CCDC3: variants seen among roughly 807,000 people sequenced by gnomAD.
CCDC3 encodes coiled-coil domain-containing protein 3.
A neutral mutation model predicts 21.4 loss-of-function variants in CCDC3; 24 were observed. The ratio of observed to expected loss-of-function variants is 1.12; its 90% CI spans 0.81 to 1.58. The LOEUF is 1.58. CCDC3 is among the 40% of genes most tolerant of loss of function. The pLI is 0.00. For synonymous variants in CCDC3, 186 were observed against 166.0 expected, an observed-to-expected ratio of 1.12 and a Z score of -0.93; for missense variants, 425 against 360.9, an observed-to-expected ratio of 1.18 and a Z score of -1.44.
At chr10:12,917,115 C>G (rs1434103058) in intron 2 of CCDC3, among the ~76,000 whole-genome samples, 3 of 150,050 alleles carry the variant, frequency 2.0e-5, no homozygotes, top group Non-Finnish European at 3.0e-5. Flanking sequence ...TGGAGAGGAT[C>G]TCTCTCCATA....
At chr10:13,009,973 T>C (rs1835965495) in intron 5 of CCDC3, among the ~76,000 whole-genome samples, 1 of 152,144 alleles carries the variant, frequency 6.6e-6, no homozygotes, top group African/African-American at 2.4e-5. Context: ...TATAGCTGGG[T>C]GCACTGGCTC....
At chr10:12,956,355 G>C (rs185839693) in intron 2 of CCDC3, among the ~76,000 whole-genome samples, 1 of 152,276 alleles carries the variant, frequency 6.6e-6, no homozygotes, top group East Asian at 1.9e-4. Flanking sequence ...CAGGAAAATG[G>C]TCTAGATGAA....
chr10:13,013,678 A>G (rs577445444), intron 5 of CCDC3, among the ~76,000 whole-genome samples: 3 of 152,344 alleles, frequency 2.0e-5, no homozygotes, highest in African/African-American at 7.2e-5. Flanking sequence ...CCGAGAACAC[A>G]GCATCACCTT....
intron 4 of CCDC3, among the ~76,000 whole-genome samples, chr10:13,057,062 C>T (rs1438085898): frequency 6.6e-5 from 10 of 152,010 alleles, no homozygotes; most frequent in Non-Finnish European, 1.0e-4. Flanking sequence ...AGAGCCGAGG[C>T]GGGAGGATTG....
At position 12,899,047 on chromosome 10, in the gene CCDC3, A is replaced by C. The variant is rs1834053903; in HGVS notation, c.550-368T>G. Among the ~76,000 whole-genome samples, 4 of 152,038 alleles carry C rather than the reference A, an allele frequency of 2.6e-5. No homozygotes were observed. The East Asian group carries it at 7.7e-4, about 29-fold the overall frequency. The stretch of plus-strand genomic sequence containing the variant: ...GGTGGACAGTTCCGGGAATGGGGGG[A>C]GTCAGGTGGCCTAATTAACAAAGGC... On this transcript the variant is annotated intron_variant, in intron 2 of 2. Transcript: ENST00000378825.
chr10:13,025,179 A>T (rs78952779), intron 5 of CCDC3, among the ~76,000 whole-genome samples: 1,566 of 152,298 alleles, frequency 0.01, 21 homozygotes, highest in African/African-American at 0.035. Context: ...GGCCTCATTT[A>T]TATGGCTGTA....
At chr10:12,938,174 G>C (rs1261074416) in intron 2 of CCDC3, among the ~76,000 whole-genome samples, 1 of 152,102 alleles carries the variant, frequency 6.6e-6, no homozygotes, top group Non-Finnish European at 1.5e-5. Context: ...CCTGAACAAT[G>C]GTATTTCCAA....
chr10:12,903,901 A>G (rs1834129952), intron 2 of CCDC3, among the ~76,000 whole-genome samples: 1 of 152,254 alleles, frequency 6.6e-6, no homozygotes, highest in Non-Finnish European at 1.5e-5. Context: ...AATCAAAATC[A>G]TCAATGATTC....
chr10:13,035,812 A>G (rs756012282), intron 5 of CCDC3, among the ~76,000 whole-genome samples: 2 of 152,162 alleles, frequency 1.3e-5, no homozygotes, highest in Non-Finnish European at 2.9e-5. Flanking sequence ...TCCTCTAGGG[A>G]GAGAAGCAAA....
intron 3 of CCDC3, among the ~76,000 whole-genome samples, chr10:13,085,531 G>A (rs1837091666): frequency 6.6e-6 from 1 of 152,200 alleles, no homozygotes; most frequent in African/African-American, 2.4e-5. Flanking sequence ...CTCCGTTGTG[G>A]GGCTTTGTAA....
intron 4 of CCDC3, among the ~76,000 whole-genome samples, chr10:13,064,447 G>A (rs1836799461): frequency 6.6e-6 from 1 of 152,260 alleles, no homozygotes; most frequent in Admixed American, 6.5e-5. Context: ...AGTTTGTTTT[G>A]CCAAGCTTGA....
chr10:12,900,282 G>C (rs1212467574), intron 2 of CCDC3, among the ~76,000 whole-genome samples: 1 of 152,098 alleles, frequency 6.6e-6, no homozygotes. Context: ...TATATAAAAA[G>C]AGGTATTCTC....
At chr10:12,963,136 A>G (rs1347992770) in intron 2 of CCDC3, among the ~76,000 whole-genome samples, 4 of 152,240 alleles carry the variant, frequency 2.6e-5, no homozygotes, top group African/African-American at 9.6e-5. Context: ...AGAAGAGGCA[A>G]TTGAGACTGG....
intron 4 of CCDC3, among the ~76,000 whole-genome samples, chr10:13,055,647 G>A (rs1447510744): frequency 1.3e-5 from 2 of 151,882 alleles, no homozygotes; most frequent in Non-Finnish European, 2.9e-5. Context: ...GTACAGGGAG[G>A]TGAGAAATTG....
At chr10:12,939,010 C>T (rs1192297818) in intron 2 of CCDC3, among the ~76,000 whole-genome samples, 2 of 151,746 alleles carry the variant, frequency 1.3e-5, no homozygotes, top group Non-Finnish European at 2.9e-5. Context: ...TTCTCTCCTC[C>T]TATCTCTGAG....
chr10:13,004,443 T>C (rs1243392304), upstream of CCDC3, among the ~76,000 whole-genome samples: 1 of 152,080 alleles, frequency 6.6e-6, no homozygotes, highest in Non-Finnish European at 1.5e-5. Context: ...GGAAATTCCA[T>C]GATGGTGGAT....
chr10:12,930,537 T>C (rs765630085), intron 2 of CCDC3, among the ~76,000 whole-genome samples: 1 of 152,204 alleles, frequency 6.6e-6, no homozygotes, highest in Non-Finnish European at 1.5e-5. Context: ...ATAGTCTTCT[T>C]TGTGCAATTG....
chr10:12,923,685 G>A (rs551831866), intron 2 of CCDC3, among the ~76,000 whole-genome samples: 10 of 152,234 alleles, frequency 6.6e-5, no homozygotes, highest in African/African-American at 2.4e-4. Flanking sequence ...TCACCTCCAT[G>A]CACCAGAATG....
intron 2 of CCDC3, among the ~76,000 whole-genome samples, chr10:12,967,171 G>A (rs1025954898): frequency 4.6e-5 from 7 of 152,148 alleles, no homozygotes; most frequent in Non-Finnish European, 8.8e-5. Context: ...ATTGACTTTT[G>A]TGCCATTCCA....
Sources: gnomAD v4.1 joint callset for allele counts (sites outside exome capture counted in the v4.1 genomes callset) on GRCh38, gnomAD v4.1.1 for gene constraint, MANE v1.5 for transcripts, NCBI Gene and HGNC (gene_info 2026-07-23, HGNC 2026-07-21) for gene names.